RAPGEF2: variants seen among roughly 807,000 people sequenced by gnomAD.
RAPGEF2 encodes the protein PDZ domain containing guanine nucleotide exchange factor (GEF) 1.
RAPGEF2 carries 54 observed loss-of-function variants against 186.7 expected under a neutral mutation model. That is an observed-to-expected ratio of 0.29 (90% CI 0.23 to 0.36). RAPGEF2 has a LOEUF of 0.36. Ranked by LOEUF, RAPGEF2 falls within the 10% of genes least tolerant of loss-of-function variation. The probability of loss-of-function intolerance (pLI) is 1.00; values close to 1 mark genes in which losing one functional copy is unlikely to be tolerated. For synonymous variants in RAPGEF2, 712 were observed against 705.9 expected (o/e 1.01, Z -0.14); for missense variants, 1,532 against 2,045.0 (o/e 0.75, Z 4.84).
At chr4:159,214,404 A>G (rs1750813279) in intron 4 of RAPGEF2, among the ~76,000 whole-genome samples, 1 of 152,214 alleles carries the variant, frequency 6.6e-6, no homozygotes, top group South Asian at 2.1e-4. Flanking sequence ...GTAGATGAAG[A>G]TTATCTTATG....
At chr4:159,284,497 C>G (rs1760176075) in intron 7 of RAPGEF2, among the ~76,000 whole-genome samples, 1 of 46,084 alleles carries the variant, frequency 2.2e-5, no homozygotes, top group Non-Finnish European at 5.4e-5. Flanking sequence ...CACACACACA[C>G]ACACACACAC....
chr4:159,297,821 G>A (rs10021753), intron 7 of RAPGEF2, among the ~76,000 whole-genome samples: 2,646 of 152,270 alleles, frequency 0.017, 78 homozygotes, highest in African/African-American at 0.059. Context: ...AGAGGCATAT[G>A]TAAGGTAGAT....
At chr4:159,280,290 T>C (rs1759516182) in intron 7 of RAPGEF2, among the ~76,000 whole-genome samples, 1 of 152,182 alleles carries the variant, frequency 6.6e-6, no homozygotes, top group Non-Finnish European at 1.5e-5. Context: ...AAATAAATAA[T>C]AATTAGGTTT....
At chr4:159,330,081 AT>A (rs1040253919) in intron 12 of RAPGEF2, 71 bp downstream of exon 12, 7 of 1,487,066 alleles carry the variant, frequency 4.7e-6, no homozygotes, top group South Asian at 2.7e-5. Context: ...GCAGTTTAGG[AT>A]TTTTTTTCAT....
intron 10 of RAPGEF2, among the ~76,000 whole-genome samples, chr4:159,322,803 T>A (rs576513563): frequency 6.6e-6 from 1 of 152,052 alleles, no homozygotes. Flanking sequence ...ATGAGGAAGA[T>A]ACAAAAGCAG....
rs560927692 is a variant in RAPGEF2, at chr4:159,283,357, C to T, written c.544-20985C>T. Among the ~76,000 whole-genome samples, 49 of 151,604 alleles carry T rather than the reference C, an allele frequency of 3.2e-4. 2 individuals carry two copies. The South Asian group carries it at 8.1e-3, about 25-fold the overall frequency. On this transcript the variant is annotated intron_variant, in intron 7 of 29. Transcript: ENST00000691494. ...AATTTAAGTTATATCTACTACATGT[C>T]GAAATGTCAAAGCTTGAGTGAAAAC...
At chr4:159,231,154 A>G (rs1328733100) in intron 4 of RAPGEF2, among the ~76,000 whole-genome samples, 3 of 152,138 alleles carry the variant, frequency 2.0e-5, no homozygotes, top group Admixed American at 1.3e-4. Flanking sequence ...ATTGCCTACA[A>G]TATTCAGTAC....
At chr4:159,232,061 T>C (rs1752700519) in intron 4 of RAPGEF2, among the ~76,000 whole-genome samples, 1 of 152,208 alleles carries the variant, frequency 6.6e-6, no homozygotes, top group South Asian at 2.1e-4. Flanking sequence ...TTTTTGCCAG[T>C]AAACCCAGAT....
At chr4:159,261,426 G>C (rs1756864236) in intron 7 of RAPGEF2, among the ~76,000 whole-genome samples, 1 of 152,150 alleles carries the variant, frequency 6.6e-6, no homozygotes. Flanking sequence ...ATTTATTATA[G>C]GAAAGGGCTA....
chr4:159,331,964 G>C lies in RAPGEF2; in HGVS notation c.1818G>C (p.Gln606His), dbSNP rs753866139. Residue 606 changes from glutamine to histidine, a missense_variant, in exon 16 of 30, where the codon CAG becomes CAC. By Grantham distance (24) the Gln-to-His change is conservative. Around this residue, in one of 4 missense-constraint regions of RAPGEF2, gnomAD observed 810 missense variants for 1,210.5 expected, o/e 0.67. Coordinates refer to ENST00000691494, the MANE Select transcript of RAPGEF2 (RefSeq NM_001394067.2). ...ATGGCCAAAACTTTGAAAACATTCA[G>C]CTGTCAAAAGCTATGGAAATTCTTA... ...EVNGQNFENI[Q>H]LSKAMEILRN... 1 of 1,608,674 alleles carries C rather than the reference G, an allele frequency of 6.2e-7. No homozygotes were observed. The highest frequency in any genetic ancestry group is 1.1e-5 in the South Asian group (1 of 88,822).
chr4:159,307,794 AAACC>A (rs1166199798), intron 8 of RAPGEF2, among the ~76,000 whole-genome samples: 1 of 152,186 alleles, frequency 6.6e-6, no homozygotes, highest in East Asian at 1.9e-4. Flanking sequence ...CAACATGGTG[AAACC>A]CCATCTCTAC....
Position 159,146,336 on chromosome 4 carries a change from C to T in RAPGEF2, c.70-40306C>T, listed in dbSNP as rs1742957455. The stretch of plus-strand genomic sequence containing the variant: ...AAAATCAGAAGTTTTAACTTTAAAA[C>T]TTTAAAAAGCATGTAAGCTTTTTTC... On this transcript the variant is annotated intron_variant, in intron 1 of 29. Coordinates refer to ENST00000691494, the MANE Select transcript of RAPGEF2 (RefSeq NM_001394067.2). Among the ~76,000 whole-genome samples the T allele has an allele frequency of 1.3e-5, 2 of 150,086 alleles. 1 individual carries two copies. Among genetic ancestry groups the T allele is most frequent in the South Asian group, 4.2e-4 (2 of 4,748 alleles).
At chr4:159,302,401 A>G (rs1762776919) in intron 7 of RAPGEF2, among the ~76,000 whole-genome samples, 1 of 152,208 alleles carries the variant, frequency 6.6e-6, no homozygotes, top group African/African-American at 2.4e-5. Flanking sequence ...AAGATAATCA[A>G]TAGAAATCAG....
At chr4:159,273,686 CTT>C (rs1561189069) in intron 7 of RAPGEF2, among the ~76,000 whole-genome samples, 2 of 141,754 alleles carry the variant, frequency 1.4e-5, no homozygotes, top group Admixed American at 7.1e-5. Flanking sequence ...TTCTTTCTTT[CTT>C]TCTTTCTTTC....
chr4:159,284,183 T>G (rs1283888607), intron 7 of RAPGEF2, among the ~76,000 whole-genome samples: 1 of 152,106 alleles, frequency 6.6e-6, no homozygotes, highest in Non-Finnish European at 1.5e-5. Context: ...AGAATAACAG[T>G]TGTTTTTTTA....
chr4:159,163,412 T>C (rs1490396488), intron 1 of RAPGEF2, among the ~76,000 whole-genome samples: 2 of 151,778 alleles, frequency 1.3e-5, no homozygotes, highest in East Asian at 3.8e-4. Context: ...TTTGCTTTTC[T>C]GGGGTGGTAA....
At chr4:159,245,112 G>A (rs1035180892) in intron 7 of RAPGEF2, among the ~76,000 whole-genome samples, 1 of 151,874 alleles carries the variant, frequency 6.6e-6, no homozygotes, top group East Asian at 1.9e-4. Flanking sequence ...TTTAAAATGC[G>A]CACTGAGTTA....
At chr4:159,107,501 C>T (rs1418279161) in intron 1 of RAPGEF2, among the ~76,000 whole-genome samples, 1 of 152,080 alleles carries the variant, frequency 6.6e-6, no homozygotes, top group Admixed American at 6.5e-5. Context: ...AAAACTGTTT[C>T]TTCTCTTTAA....
chr4:159,158,169 C>T (rs1237782890), intron 1 of RAPGEF2, among the ~76,000 whole-genome samples: 1 of 151,946 alleles, frequency 6.6e-6, no homozygotes, highest in Non-Finnish European at 1.5e-5. Flanking sequence ...GTATTTTTGC[C>T]AAAAGTAAAA....
Sources: allele counts gnomAD v4.1 joint callset (sites outside exome capture counted in the v4.1 genomes callset), GRCh38; gene constraint gnomAD v4.1.1; regional missense constraint gnomAD v4.1.1; transcripts MANE v1.5; gene names NCBI Gene and HGNC (gene_info 2026-07-23, HGNC 2026-07-21).